Variants in TIAM1 observed in about 807,000 individuals in gnomAD.
The protein encoded by TIAM1 is rho guanine nucleotide exchange factor TIAM1.
TIAM1 carries 65 observed loss-of-function variants against 163.5 expected under a neutral mutation model. The observed-to-expected ratio is 0.40, with a 90% CI of 0.33 to 0.49. The LOEUF is 0.49. TIAM1 is among the 20% of genes least tolerant of loss of function. TIAM1 has a pLI of 0.77. For synonymous variants in TIAM1, 833 were observed against 810.1 expected, an observed-to-expected ratio of 1.03 and a Z score of -0.48; for missense variants, 1,789 against 2,044.7, an observed-to-expected ratio of 0.87 and a Z score of 2.41.
At chr21:31,466,412 A>T (rs1421087131) in intron 1 of TIAM1, among the ~76,000 whole-genome samples, 1 of 151,326 alleles carries the variant, frequency 6.6e-6, no homozygotes, top group Non-Finnish European at 1.5e-5. Flanking sequence ...AGAATAAAGG[A>T]TATCTCTCTA....
chr21:31,409,673 CCAAGTTCTG>C (rs1259751208), intron 2 of TIAM1, among the ~76,000 whole-genome samples: 5 of 152,196 alleles, frequency 3.3e-5, no homozygotes, highest in Admixed American at 2.6e-4. Context: ...GGCTTGTCCC[CCAAGTTCTG>C]CAAATACACC....
At chr21:31,122,272 G>GA (rs776005686) in intron 27 of TIAM1, among the ~76,000 whole-genome samples, 36 of 151,804 alleles carry the variant, frequency 2.4e-4, no homozygotes, top group Non-Finnish European at 4.7e-4. Flanking sequence ...TAGAAAATAG[G>GA]AAAAAAAACA....
At chr21:31,342,215 C>T (rs1323665317) in intron 1 of TIAM1, among the ~76,000 whole-genome samples, 1 of 151,566 alleles carries the variant, frequency 6.6e-6, no homozygotes. Context: ...GAGGTTGGGG[C>T]GGGAGGATCA....
intron 2 of TIAM1, among the ~76,000 whole-genome samples, chr21:31,460,910 A>T (rs2045301251): frequency 6.6e-6 from 1 of 152,026 alleles, no homozygotes; most frequent in Admixed American, 6.6e-5. Context: ...AATCTATTTC[A>T]TTTTTTTTAC....
At chr21:31,146,820 A>G in intron 20 of TIAM1, 75 bp downstream of exon 20, 2 of 1,235,170 alleles carry the variant, frequency 1.6e-6, no homozygotes, top group South Asian at 2.5e-5. Flanking sequence ...ATTTCTGCCC[A>G]AAAGCCCCCA....
At chr21:31,387,148 G>A (rs1305997276) in intron 2 of TIAM1, among the ~76,000 whole-genome samples, 2 of 149,892 alleles carry the variant, frequency 1.3e-5, no homozygotes, top group African/African-American at 4.9e-5. Context: ...CACCCCGAGA[G>A]CAGACTGAAG....
At position 31,141,251 on chromosome 21, in the gene TIAM1, G is replaced by A; in HGVS notation, c.3656-15C>T. ...CTTGATGGCCACTGGAAGAAAACAG[G>A]TTGTGAAATGAGAGGCTATTTAGAG... On this transcript the variant is annotated splice_polypyrimidine_tract_variant and intron_variant, in intron 21 of 27. Transcript: ENST00000541036. The surrounding 1 kb of genome is among the most constrained non-coding windows in gnomAD (Gnocchi z 4.7). 1 of 1,613,978 alleles carries A rather than the reference G, an allele frequency of 6.2e-7. No individual in the cohort carries two copies. Among genetic ancestry groups the A allele is most frequent in the East Asian group, 2.2e-5 (1 of 44,876 alleles).
At chr21:31,490,900 G>A (rs1171140668) in intron 1 of TIAM1, among the ~76,000 whole-genome samples, 1 of 152,182 alleles carries the variant, frequency 6.6e-6, no homozygotes, top group Non-Finnish European at 1.5e-5. Context: ...GCCAAGGTGG[G>A]CGGATCGCGA....
At chr21:31,524,701 C>T (rs891339349) in intron 1 of TIAM1, among the ~76,000 whole-genome samples, 1 of 152,080 alleles carries the variant, frequency 6.6e-6, no homozygotes, top group African/African-American at 2.4e-5. Flanking sequence ...AACACTATGC[C>T]CAAGAGTTTT....
intron 26 of TIAM1, among the ~76,000 whole-genome samples, chr21:31,124,910 T>C (rs1685468824): frequency 6.6e-6 from 1 of 152,208 alleles, no homozygotes; most frequent in South Asian, 2.1e-4. Flanking sequence ...CTCCTGGCGC[T>C]GATGTGGGGC....
chr21:31,507,766 G>T (rs1349470414), intron 1 of TIAM1, among the ~76,000 whole-genome samples: 1 of 152,098 alleles, frequency 6.6e-6, no homozygotes, highest in Admixed American at 6.5e-5. Context: ...TGAAACTGAC[G>T]CAGGCAGCAG....
chr21:31,555,051 C>A lies in TIAM1; in HGVS notation c.-422+3876G>T, dbSNP rs578173793. Among the ~76,000 whole-genome samples the A allele has an allele frequency of 5.9e-5, 9 of 152,252 alleles. No homozygotes were observed. In the South Asian group the frequency reaches 1.9e-3, roughly 32 times the overall value. ...CACCTAACTATTAATATCGTGTACC[C>A]TTTTACACTAGAACATTGTTTTATT... is the stretch of plus-strand genomic sequence containing the variant. On this transcript the variant is annotated intron_variant, in intron 1 of 28. Transcript: ENST00000286827.
chr21:31,452,211 A>T (rs1271150492), intron 2 of TIAM1, among the ~76,000 whole-genome samples: 1 of 152,154 alleles, frequency 6.6e-6, no homozygotes, highest in Non-Finnish European at 1.5e-5. Flanking sequence ...GCCTTGAAAA[A>T]GCAAACTGCC....
chr21:31,514,104 C>A (rs1392343282), intron 1 of TIAM1, among the ~76,000 whole-genome samples: 1 of 152,134 alleles, frequency 6.6e-6, no homozygotes, highest in Non-Finnish European at 1.5e-5. Flanking sequence ...TCAAAAGCGG[C>A]TCTGACCCCA....
chr21:31,555,760 CGT>C (rs2048854179), intron 1 of TIAM1, among the ~76,000 whole-genome samples: 1 of 152,170 alleles, frequency 6.6e-6, no homozygotes, highest in African/African-American at 2.4e-5. Flanking sequence ...TCTCACAAAA[CGT>C]GTTTCTCCTT....
At chr21:31,180,199 C>T (rs1047086266) in intron 15 of TIAM1, among the ~76,000 whole-genome samples, 18 of 152,046 alleles carry the variant, frequency 1.2e-4, no homozygotes, top group Admixed American at 9.2e-4. Context: ...AGCCACTGCG[C>T]CCGGTAGACT....
At chr21:31,179,558 A>AC (rs1007549283) in intron 15 of TIAM1, among the ~76,000 whole-genome samples, 4 of 151,812 alleles carry the variant, frequency 2.6e-5, no homozygotes, top group Non-Finnish European at 4.4e-5. Context: ...AAAAAAAAAA[A>AC]AACCTTCCAA....
intron 26 of TIAM1, 83 bp downstream of exon 26, chr21:31,126,979 AAAC>A: frequency 7.4e-7 from 1 of 1,350,268 alleles, no homozygotes; most frequent in Non-Finnish European, 1.1e-6. Context: ...ACAACGTACC[AAAC>A]ACCAGAACAC....
intron 2 of TIAM1, among the ~76,000 whole-genome samples, chr21:31,446,223 G>A (rs2044618674): frequency 2.1e-5 from 1 of 48,006 alleles, no homozygotes; most frequent in Non-Finnish European, 3.6e-5. Context: ...TTACAGGTGT[G>A]AGCCACCTCG....
Sources: allele counts gnomAD v4.1 joint callset (sites outside exome capture counted in the v4.1 genomes callset), GRCh38; gene constraint gnomAD v4.1.1; non-coding constraint Gnocchi (gnomAD v3.1); transcripts MANE v1.5; gene names NCBI Gene and HGNC (gene_info 2026-07-23, HGNC 2026-07-21).